Variants in TOP2B observed in about 807,000 individuals in gnomAD.
TOP2B encodes the protein DNA topoisomerase II beta.
In TOP2B, 51 loss-of-function variants were observed where a neutral mutation model predicts 193.5. The ratio of observed to expected loss-of-function variants is 0.26; its 90% CI spans 0.21 to 0.33. The LOEUF (loss-of-function observed/expected upper bound fraction) is 0.33, where lower values mean the gene tolerates loss of function less well. Ranked by LOEUF, TOP2B falls within the 10% of genes least tolerant of loss-of-function variation. The probability of loss-of-function intolerance (pLI) is 1.00; values close to 1 mark genes in which losing one functional copy is unlikely to be tolerated. For synonymous variants in TOP2B, 634 were observed against 635.7 expected, an observed-to-expected ratio of 1.00 and a Z score of 0.04; for missense variants, 1,378 against 1,909.3, an observed-to-expected ratio of 0.72 and a Z score of 5.19.
At chr3:25,635,155 G>A (rs1703069911) in intron 7 of TOP2B, among the ~76,000 whole-genome samples, 1 of 152,092 alleles carries the variant, frequency 6.6e-6, no homozygotes. Flanking sequence ...AAACAAGAAA[G>A]AATCTGGAAG....
chr3:25,637,338 G>T, intron 5 of TOP2B, 26 bp from the exon 6 acceptor site: 1 of 1,499,480 alleles, frequency 6.7e-7, no homozygotes, highest in Non-Finnish European at 9.0e-7. Flanking sequence ...AATGTAAAAG[G>T]TTTAGTAAAA....
intron 1 of TOP2B, among the ~76,000 whole-genome samples, chr3:25,662,666 T>G (rs1192689368): frequency 6.6e-6 from 1 of 152,222 alleles, no homozygotes; most frequent in Admixed American, 6.5e-5. Flanking sequence ...AGAAATAAAT[T>G]GTCATTTAAT....
intron 17 of TOP2B, 35 bp from the exon 18 acceptor site, chr3:25,626,709 T>C (rs1559499622): frequency 1.3e-6 from 2 of 1,508,832 alleles, no homozygotes; most frequent in African/African-American, 2.8e-5. Flanking sequence ...ATTATCATTA[T>C]TACTGCATGA....
chr3:25,654,622 T>C (rs967187828), intron 1 of TOP2B, among the ~76,000 whole-genome samples: 11 of 152,220 alleles, frequency 7.2e-5, no homozygotes, highest in African/African-American at 2.7e-4. Flanking sequence ...CCCATAGAGC[T>C]AAATCAGTCT....
intron 31 of TOP2B, 149 bp downstream of exon 31, chr3:25,607,022 G>T (rs1300435145): frequency 6.0e-5 from 70 of 1,170,244 alleles, no homozygotes; most frequent in Non-Finnish European, 8.0e-5. Flanking sequence ...AACTGTGATG[G>T]GAACAGCTGC....
rs1702257063 is a variant in TOP2B, at chr3:25,607,223, A to C, written c.4246T>G (p.Leu1416Val). Reference sequence around the variant, plus strand: ...GAAAATGTATATTCATCTTTATCTAACCCATCTGAAGGAACAAATTCATCT... The same window carrying C: ...GAAAATGTATATTCATCTTTATCTACCCCATCTGAAGGAACAAATTCATCT... ...GEDEFVPSDG[L>V]DKDEYTFSPG... Residue 1416 changes from leucine (L) to valine (V), a missense_variant, in exon 31 of 36, where the codon TTA (leucine) becomes GTA (valine). Transcript: ENST00000264331. 1 of 1,610,986 alleles carries C rather than the reference A, an allele frequency of 6.2e-7. No homozygotes were observed.
chr3:25,613,086 AT>A (rs1277898744), intron 27 of TOP2B, among the ~76,000 whole-genome samples: 1 of 152,094 alleles, frequency 6.6e-6, no homozygotes, highest in African/African-American at 2.4e-5. Context: ...GTATGAAGTT[AT>A]TTTTTTCTAT....
At chr3:25,645,501 A>G (rs1337512805) in intron 1 of TOP2B, 31 bp from the exon 2 acceptor site, 1 of 1,555,116 alleles carries the variant, frequency 6.4e-7, no homozygotes. Context: ...AAATTTAAAT[A>G]ACCTACCAAG....
chr3:25,645,395 A>G lies in TOP2B; in HGVS notation c.145T>C (p.Leu49=), dbSNP rs1396660498. 1 of 1,613,704 alleles carries G rather than the reference A, an allele frequency of 6.2e-7. No individual in the cohort carries two copies. The highest frequency in any genetic ancestry group is 1.7e-5 in the Admixed American group (1 of 59,996). Residue 49 remains leucine (L), a synonymous_variant, in exon 2 of 36, where the codon TTG becomes CTG. Coordinates refer to ENST00000264331, the MANE Select transcript of TOP2B (RefSeq NM_001330700.2). The part of the protein sequence containing the change: ...TANKNDSSKK[L]SVERVYQKKT... ...TTCTGATACACTCTCTCAACAGACA[A>G]CTTCTTTGAAGAATCATTTTTGTTG...
At chr3:25,649,276 C>T (rs750951691) in intron 1 of TOP2B, among the ~76,000 whole-genome samples, 1 of 152,062 alleles carries the variant, frequency 6.6e-6, no homozygotes, top group Non-Finnish European at 1.5e-5. Flanking sequence ...ACAACATATA[C>T]ATTATGTAAG....
Position 25,630,105 on chromosome 3 carries a change from T to C in TOP2B, c.1613A>G (p.Gln538Arg). ...INNIIKIVGL[Q>R]YKKSYDDAES... Reference sequence around the variant, plus strand: ...TGCATCATCGTAACTTTTCTTATATTGTAGACCAACTATTTTAATAATATT... The same window carrying C: ...TGCATCATCGTAACTTTTCTTATATCGTAGACCAACTATTTTAATAATATT... Residue 538 changes from glutamine (Q) to arginine (R), a missense_variant, in exon 13 of 36, where the codon CAA (glutamine) becomes CGA (arginine). Physicochemically the swap from Gln to Arg is conservative, Grantham distance 43. Around this residue, in one of 9 missense-constraint regions of TOP2B, gnomAD observed 66 missense variants for 153.3 expected, o/e 0.43. Coordinates refer to ENST00000264331, the MANE Select transcript of TOP2B (RefSeq NM_001330700.2). 1 of 1,599,214 alleles carries C rather than the reference T, an allele frequency of 6.3e-7. No homozygotes were observed. The highest frequency in any genetic ancestry group is 8.5e-7 in the Non-Finnish European group (1 of 1,171,664).
chr3:25,602,025 TGATACCAGGCCTTTGCTTTC>T (rs1702107535), intron 33 of TOP2B, among the ~76,000 whole-genome samples: 2 of 152,192 alleles, frequency 1.3e-5, no homozygotes, highest in Admixed American at 1.3e-4. Flanking sequence ...AGTAGACAAT[TGATACCAGGCCTTTGCTTTC>T]TGGAATTTTG....
At chr3:25,606,671 C>T (rs1702244769) in intron 31 of TOP2B, among the ~76,000 whole-genome samples, 1 of 152,028 alleles carries the variant, frequency 6.6e-6, no homozygotes, top group African/African-American at 2.4e-5. Flanking sequence ...GTTCACAAAC[C>T]TCAAATCCCA....
chr3:25,598,922 G>C (rs1268639293), intron 35 of TOP2B, among the ~76,000 whole-genome samples: 1 of 152,148 alleles, frequency 6.6e-6, no homozygotes, highest in Non-Finnish European at 1.5e-5. Context: ...CTGAGACATA[G>C]AAGATGACTG....
In TOP2B at chr3:25,612,591, G is replaced by A. The variant is rs2125355272; in HGVS notation, c.3710C>T (p.Pro1237Leu). The A allele has an allele frequency of 6.2e-7, 1 of 1,613,616 alleles. No individual in the cohort carries two copies. Among genetic ancestry groups the A allele is most frequent in the Non-Finnish European group, 8.5e-7 (1 of 1,179,810 alleles). The part of the protein sequence containing the change: ...KLQLEETMPS[P>L]YGRRIIPEIT... ...TTCAGGAATTATTCTTCTGCCATAA[G>A]GTGAGGGCATTGTCTCTTCCAACTG... Residue 1237 changes from proline (P) to leucine (L), a missense_variant, in exon 28 of 36, where the codon CCT (proline) becomes CTT (leucine). This residue lies in a region of TOP2B where 556 missense variants were observed against 584.2 expected (regional missense o/e 0.95). Transcript: ENST00000264331.
At position 25,626,964 on chromosome 3, in the gene TOP2B, G is replaced by A. The variant is rs572087547; in HGVS notation, c.2017-100C>T. The stretch of plus-strand genomic sequence containing the variant: ...GGCCAATAACTAATTCTTAATTTCT[G>A]GAAAATTAGGTTATTTTACAATATT... On this transcript the variant is annotated intron_variant, in intron 16 of 35. Coordinates refer to ENST00000264331, the MANE Select transcript of TOP2B (RefSeq NM_001330700.2). The A allele has an allele frequency of 1.1e-4, 85 of 754,746 alleles. 3 individuals are homozygous for A. The South Asian group carries it at 1.7e-3, about 15-fold the overall frequency. The allele number at this position is 754,746 out of a possible 1,614,324, so 46.8% of individuals were successfully genotyped here.
intron 1 of TOP2B, among the ~76,000 whole-genome samples, chr3:25,662,938 TCTC>T (rs1196687618): frequency 6.6e-6 from 1 of 152,208 alleles, no homozygotes; most frequent in Non-Finnish European, 1.5e-5. Context: ...TATGTGTCCA[TCTC>T]CTCCTTCTTC....
rs375021372 is a variant in TOP2B, at chr3:25,620,787, C to T, written c.2757G>A (p.Thr919=). The stretch of plus-strand genomic sequence containing the variant: ...ACTGGTTTTGACCAAGTTCTTGAAT[C>T]GTGCCTTTAAAGTTTTTGTAGTTTG... The part of the protein sequence containing the change: ...MLPNYKNFKG[T]IQELGQNQYA... The change falls in exon 22 of 36, where the codon ACG becomes ACA. Residue 919 remains threonine, a synonymous_variant. Coordinates refer to ENST00000264331, the MANE Select transcript of TOP2B (RefSeq NM_001330700.2). 17 of 1,613,392 alleles carry T rather than the reference C, an allele frequency of 1.1e-5. No homozygotes were observed. Among genetic ancestry groups the T allele is most frequent in the South Asian group, 3.3e-5 (3 of 90,984 alleles).
chr3:25,619,969 T>C lies in TOP2B; in HGVS notation c.2956A>G (p.Thr986Ala), dbSNP rs1381459732. 1.2e-6 allele frequency: 2 copies of C among 1,611,930 alleles called. No homozygotes were observed. Among genetic ancestry groups the C allele is most frequent in the South Asian group, 1.1e-5 (1 of 90,944 alleles). Residue 986 changes from threonine (T) to alanine (A), a missense_variant, in exon 23 of 36, where the codon ACT (threonine) becomes GCT (alanine). Around this residue, in one of 9 missense-constraint regions of TOP2B, gnomAD observed 379 missense variants for 615.1 expected, o/e 0.62. Transcript: ENST00000264331. ...SDYKEYHTDT[T>A]VKFVVKMTEE... ...GTCATTTTCACCACAAATTTCACAGTTGTGTCAGTATGATATTCTTTATAA... is the reference window on the plus strand; with the variant it reads ...GTCATTTTCACCACAAATTTCACAGCTGTGTCAGTATGATATTCTTTATAA...
Sources: allele counts gnomAD v4.1 joint callset (sites outside exome capture counted in the v4.1 genomes callset), GRCh38; gene constraint gnomAD v4.1.1; regional missense constraint gnomAD v4.1.1; transcripts MANE v1.5; gene names NCBI Gene and HGNC (gene_info 2026-07-23, HGNC 2026-07-21).